The following SCTR variants were observed in gnomAD, a reference collection of about 807,000 sequenced individuals.
SCTR encodes the protein secretin receptor, also known as pancreatic secretin receptor.
Under a neutral mutation model 60.8 loss-of-function variants are expected in SCTR, and 56 were observed. That is an observed-to-expected ratio of 0.92 (90% CI 0.74 to 1.15). The LOEUF is 1.15. Ranked by LOEUF, SCTR falls within the 50% of genes most tolerant of loss-of-function variation. The probability of loss-of-function intolerance (pLI) is 0.00; values close to 1 mark genes in which losing one functional copy is unlikely to be tolerated. For synonymous variants in SCTR, 202 were observed against 217.0 expected, an observed-to-expected ratio of 0.93 and a Z score of 0.61; for missense variants, 562 against 550.4, an observed-to-expected ratio of 1.02 and a Z score of -0.21.
intron 1 of SCTR, among the ~76,000 whole-genome samples, chr2:119,510,868 T>C (rs1360427742): frequency 6.6e-6 from 1 of 152,128 alleles, no homozygotes; most frequent in Non-Finnish European, 1.5e-5. Flanking sequence ...CAACTCCTTT[T>C]AGTTGTTTAT....
intron 11 of SCTR, 64 bp from the exon 12 acceptor site, chr2:119,441,663 G>T (rs1682661803): frequency 1.4e-6 from 2 of 1,424,170 alleles, no homozygotes; most frequent in Non-Finnish European, 9.8e-7. Flanking sequence ...GAACCAGCTG[G>T]CCAGCTGCAC....
intron 1 of SCTR, among the ~76,000 whole-genome samples, chr2:119,512,005 C>A (rs765129741): frequency 5.9e-5 from 9 of 151,806 alleles, no homozygotes; most frequent in Non-Finnish European, 8.8e-5. Context: ...TGTTTTGTCC[C>A]TAGATATATG....
At chr2:119,521,881 A>C (rs1679295917) in intron 1 of SCTR, among the ~76,000 whole-genome samples, 1 of 152,164 alleles carries the variant, frequency 6.6e-6, no homozygotes, top group Non-Finnish European at 1.5e-5. Context: ...TTATTACAGG[A>C]GTTCTCAGCC....
In SCTR at chr2:119,446,305, G is replaced by A. The variant is rs955181953; in HGVS notation, c.1140+454C>T. 7.9e-5 allele frequency among the ~76,000 whole-genome samples: 12 copies of A among 152,108 alleles called. 1 individual carries two copies. The South Asian group carries it at 2.1e-3, about 26-fold the overall frequency. On this transcript the variant is annotated intron_variant, in intron 11 of 12. Coordinates refer to ENST00000019103, the MANE Select transcript of SCTR (RefSeq NM_002980.3). ...TGCTTCTAAAAAATATGCTGGTGTC[G>A]CCACTTGAGGAGTTTTCAGTCTAGG...
intron 1 of SCTR, among the ~76,000 whole-genome samples, chr2:119,497,873 A>G (rs533249981): frequency 1.2e-4 from 18 of 152,308 alleles, no homozygotes; most frequent in African/African-American, 4.3e-4. Flanking sequence ...AGAAACCTTG[A>G]GGAACCTGAT....
chr2:119,444,171 G>A (rs1682769108), intron 11 of SCTR, among the ~76,000 whole-genome samples: 1 of 138,108 alleles, frequency 7.2e-6, no homozygotes, highest in African/African-American at 2.9e-5. Context: ...ATACACATAT[G>A]TATATATACA....
chr2:119,487,748 G>A (rs1677934649), intron 2 of SCTR, among the ~76,000 whole-genome samples: 2 of 152,234 alleles, frequency 1.3e-5, no homozygotes, highest in African/African-American at 2.4e-5. Context: ...ACCCGGAATG[G>A]CTGAAGAGTT....
At chr2:119,506,281 C>T (rs1443300713) in intron 1 of SCTR, among the ~76,000 whole-genome samples, 3 of 152,050 alleles carry the variant, frequency 2.0e-5, no homozygotes, top group African/African-American at 4.8e-5. Flanking sequence ...GTAAGCAGTT[C>T]AATAAACTGT....
intron 7 of SCTR, among the ~76,000 whole-genome samples, chr2:119,456,416 A>G (rs187046863): frequency 6.6e-6 from 1 of 152,196 alleles, no homozygotes; most frequent in East Asian, 1.9e-4. Context: ...TTGAACGAAG[A>G]TATCTTCAGA....
rs181992670 is a variant in SCTR at position 119,504,428 on chromosome 2, T to C, written c.73-9880A>G. On this transcript the variant is annotated intron_variant, in intron 1 of 12. Coordinates refer to ENST00000019103, the MANE Select transcript of SCTR (RefSeq NM_002980.3). ...ACCAAGATGGTGAAACCCCACCTAC[T>C]AAAAACACAAAAATTAGCTGGGCGT... 3.4e-4 allele frequency among the ~76,000 whole-genome samples: 51 copies of C among 151,836 alleles called. 1 individual carries two copies. The highest frequency in any genetic ancestry group is 1.2e-3 in the African/African-American group (49 of 41,400).
chr2:119,479,088 A>G, intron 2 of SCTR, 170 bp from the exon 3 acceptor site: 1 of 1,439,688 alleles, frequency 6.9e-7, no homozygotes, highest in Admixed American at 2.7e-5. Context: ...TGTCTAATGC[A>G]CCCTTGGACT....
At chr2:119,482,383 C>T (rs1677658263) in intron 2 of SCTR, among the ~76,000 whole-genome samples, 2 of 152,112 alleles carry the variant, frequency 1.3e-5, no homozygotes, top group African/African-American at 4.8e-5. Flanking sequence ...GCTTTGGAGG[C>T]GGGGCAGTCC....
chr2:119,479,267 A>G, intron 2 of SCTR: 1 of 1,031,746 alleles, frequency 9.7e-7, no homozygotes, highest in Non-Finnish European at 1.2e-6. Flanking sequence ...AGTTTGCATT[A>G]AACAACTAAG....
intron 1 of SCTR, among the ~76,000 whole-genome samples, chr2:119,504,590 C>CA (rs1558878114): frequency 6.6e-6 from 1 of 151,302 alleles, no homozygotes; most frequent in South Asian, 2.1e-4. Context: ...GACTCTGTCT[C>CA]AAAAAATAAA....
In SCTR at chr2:119,458,759, T is replaced by C. The variant is rs186428074; in HGVS notation, c.790+3088A>G. On this transcript the variant is annotated intron_variant, in intron 7 of 12. Transcript: ENST00000019103. Reference sequence around the variant, plus strand: ...TAAGTTGGTGGCTCAGTGTGGCCCCTGGACCAGCAGCATGAGCAACACCTG... The same window carrying C: ...TAAGTTGGTGGCTCAGTGTGGCCCCCGGACCAGCAGCATGAGCAACACCTG... Among the ~76,000 whole-genome samples the C allele has an allele frequency of 4.3e-4, 66 of 152,322 alleles. No homozygotes were observed. In the East Asian group the frequency reaches 0.013, roughly 29 times the overall value.
At chr2:119,440,339 C>T in intron 12 of SCTR, 82 bp from the exon 13 acceptor site, 3 of 1,489,122 alleles carry the variant, frequency 2.0e-6, no homozygotes, top group South Asian at 1.3e-5. Context: ...AGTGACTCCA[C>T]GCAGGCCCTG....
chr2:119,481,452 A>G (rs969568204), intron 2 of SCTR, among the ~76,000 whole-genome samples: 5 of 152,198 alleles, frequency 3.3e-5, no homozygotes, highest in African/African-American at 1.2e-4. Flanking sequence ...AGACCCAGGA[A>G]TCTGCATTTT....
chr2:119,516,175 C>G (rs959010206), intron 1 of SCTR, among the ~76,000 whole-genome samples: 1 of 152,102 alleles, frequency 6.6e-6, no homozygotes, highest in African/African-American at 2.4e-5. Context: ...CAAAAAAATT[C>G]AAAATAGAAC....
At chr2:119,450,541 CA>C (rs139528792) in intron 9 of SCTR, among the ~76,000 whole-genome samples, 63 of 144,664 alleles carry the variant, frequency 4.4e-4, no homozygotes, top group Non-Finnish European at 6.7e-4. Context: ...AACAAAAAAA[CA>C]AAAAAAAAAC....
Sources: allele counts gnomAD v4.1 joint callset (sites outside exome capture counted in the v4.1 genomes callset), GRCh38; gene constraint gnomAD v4.1.1; transcripts MANE v1.5; gene names NCBI Gene and HGNC (gene_info 2026-07-23, HGNC 2026-07-21).